Variants in TRHDE observed in about 807,000 individuals in gnomAD.
TRHDE encodes the protein thyrotropin-releasing hormone-degrading ectoenzyme.
In TRHDE, 72 loss-of-function variants were observed where a neutral mutation model predicts 125.7. The ratio of observed to expected loss-of-function variants is 0.57; its 90% confidence interval spans 0.47 to 0.70. The LOEUF (loss-of-function observed/expected upper bound fraction) is 0.70, where lower values mean the gene tolerates loss of function less well. Ranked by LOEUF, TRHDE falls within the 30% of genes least tolerant of loss-of-function variation. The probability of loss-of-function intolerance (pLI) is 0.00; values close to 1 mark genes in which losing one functional copy is unlikely to be tolerated. For missense variants in TRHDE, 1,110 were observed against 1,327.1 expected (o/e 0.84, Z 2.54); for synonymous variants, 509 against 509.1 (o/e 1.00, Z 0.00).
chr12:72,345,399 G>A (rs1449504765), intron 2 of TRHDE, among the ~76,000 whole-genome samples: 1 of 151,984 alleles, frequency 6.6e-6, no homozygotes, highest in Non-Finnish European at 1.5e-5. Flanking sequence ...ATGCATAGTC[G>A]CACACCATTG....
intron 3 of TRHDE, among the ~76,000 whole-genome samples, chr12:72,384,351 C>T (rs1872322272): frequency 6.6e-6 from 1 of 151,934 alleles, no homozygotes; most frequent in African/African-American, 2.4e-5. Flanking sequence ...AGAATTTCTG[C>T]CCTCAAGGAG....
At chr12:72,300,808 GA>G (rs1190786345) in intron 2 of TRHDE, among the ~76,000 whole-genome samples, 3 of 151,926 alleles carry the variant, frequency 2.0e-5, no homozygotes, top group Non-Finnish European at 2.9e-5. Context: ...GCAGTCTGAA[GA>G]AAAAAATCAA....
chr12:72,610,416 C>T (rs1300308439), intron 12 of TRHDE, among the ~76,000 whole-genome samples: 1 of 152,212 alleles, frequency 6.6e-6, no homozygotes, highest in Non-Finnish European at 1.5e-5. Context: ...TCACATCCTT[C>T]TCATCTTGAA....
intron 5 of TRHDE, among the ~76,000 whole-genome samples, chr12:72,477,848 T>A (rs1876973450): frequency 6.6e-6 from 1 of 152,178 alleles, no homozygotes; most frequent in Non-Finnish European, 1.5e-5. Context: ...GTCATTATAA[T>A]TTGTGTTGTC....
At chr12:72,464,401 T>C (rs1876270695) in intron 3 of TRHDE, among the ~76,000 whole-genome samples, 3 of 152,314 alleles carry the variant, frequency 2.0e-5, no homozygotes, top group Non-Finnish European at 4.4e-5. Flanking sequence ...TGGTAGGGTC[T>C]GCTCTCTGCT....
At chr12:72,405,081 T>G (rs1475357182) in intron 3 of TRHDE, among the ~76,000 whole-genome samples, 1 of 152,174 alleles carries the variant, frequency 6.6e-6, no homozygotes, top group Non-Finnish European at 1.5e-5. Flanking sequence ...GCCTACTATG[T>G]TTAATGTGTG....
Position 72,273,578 on chromosome 12 carries a change from C to A in TRHDE, c.914+21C>A. The A allele has an allele frequency of 6.4e-7, 1 of 1,559,946 alleles. No homozygotes were observed. The highest frequency in any genetic ancestry group is 8.7e-7 in the Non-Finnish European group (1 of 1,153,734). On this transcript the variant is annotated intron_variant, in intron 1 of 18. Coordinates refer to ENST00000261180, the MANE Select transcript of TRHDE (RefSeq NM_013381.3). The surrounding 1 kb of genome is among the most constrained non-coding windows in gnomAD (Gnocchi z 5.3). ...AGAAGGTATGGAGGGAGGCGGTGCC[C>A]CGCGCTGCCCCACCCCGGCGCGCGG...
chr12:72,097,529 A>G (rs986076286), intron 1 of TRHDE, among the ~76,000 whole-genome samples: 1 of 144,570 alleles, frequency 6.9e-6, no homozygotes, highest in African/African-American at 2.6e-5. Flanking sequence ...GGCTCACTGC[A>G]GCCTCGACCT....
chr12:72,399,971 C>G (rs931642176), intron 3 of TRHDE, among the ~76,000 whole-genome samples: 1 of 152,118 alleles, frequency 6.6e-6, no homozygotes, highest in Non-Finnish European at 1.5e-5. Flanking sequence ...CACTCTGCCA[C>G]TAACTCACTC....
chr12:72,412,014 T>C (rs1039977756), intron 3 of TRHDE, among the ~76,000 whole-genome samples: 5 of 152,134 alleles, frequency 3.3e-5, no homozygotes, highest in African/African-American at 1.2e-4. Flanking sequence ...AAAGGTCAAA[T>C]ACAAAGGTCT....
At chr12:72,098,034 ATATTT>A (rs1466960846) in intron 1 of TRHDE, among the ~76,000 whole-genome samples, 1 of 151,968 alleles carries the variant, frequency 6.6e-6, no homozygotes. Flanking sequence ...ACAATACTTT[ATATTT>A]TATTTTATTT....
At chr12:72,281,729 A>T (rs1435137793) in intron 1 of TRHDE, among the ~76,000 whole-genome samples, 1 of 152,228 alleles carries the variant, frequency 6.6e-6, no homozygotes, top group African/African-American at 2.4e-5. Flanking sequence ...ATGAAAAGGC[A>T]AACTGAAAAA....
chr12:72,427,900 G>A (rs1422700502), intron 3 of TRHDE, among the ~76,000 whole-genome samples: 2 of 152,106 alleles, frequency 1.3e-5, no homozygotes, highest in Non-Finnish European at 2.9e-5. Context: ...GATTGGCTGT[G>A]TCAGAATGAC....
chr12:72,556,391 A>G (rs1592533533), intron 7 of TRHDE, among the ~76,000 whole-genome samples: 1 of 152,224 alleles, frequency 6.6e-6, no homozygotes, highest in South Asian at 2.1e-4. Context: ...AAAATAGAAT[A>G]AGAACTAAAG....
In TRHDE at chr12:72,663,267, A is replaced by G; in HGVS notation, c.*72A>G. 7.7e-7 allele frequency: 1 copy of G among 1,298,384 alleles called. No individual in the cohort carries two copies. Among genetic ancestry groups the G allele is most frequent in the East Asian group, 2.6e-5 (1 of 38,324 alleles). 80.4% of individuals were successfully genotyped at this position (1,298,384 alleles called of 1,614,324 possible). A position where few individuals can be genotyped will look rare whatever the true frequency, so the allele number is the denominator to read the frequency against. ...AGACACGCTTTTTGTGGAATGAGGA[A>G]AATGTACTACCTAGAAAATGGCCAG... On this transcript the variant is annotated 3_prime_UTR_variant, in exon 19 of 19. Transcript: ENST00000261180.
At chr12:72,373,328 A>G (rs377070019) in intron 2 of TRHDE, among the ~76,000 whole-genome samples, 10,804 of 152,120 alleles carry the variant, frequency 0.071, 507 homozygotes, top group Non-Finnish European at 0.11. Flanking sequence ...CAATTATGTC[A>G]TCTGCAAACA....
chr12:72,242,056 A>G (rs1878492343), intron 2 of TRHDE, among the ~76,000 whole-genome samples: 1 of 149,062 alleles, frequency 6.7e-6, no homozygotes, highest in South Asian at 2.2e-4. Context: ...TCTTTGTCAG[A>G]TGTATAATTT....
chr12:72,333,288 T>A (rs1299213554), intron 2 of TRHDE, among the ~76,000 whole-genome samples: 1 of 152,256 alleles, frequency 6.6e-6, no homozygotes, highest in African/African-American at 2.4e-5. Flanking sequence ...TTTACCAATA[T>A]GTATTGATGT....
intron 5 of TRHDE, among the ~76,000 whole-genome samples, chr12:72,485,994 C>A (rs1211705414): frequency 6.6e-6 from 1 of 152,176 alleles, no homozygotes; most frequent in African/African-American, 2.4e-5. Flanking sequence ...CTCTCAGGGT[C>A]TACAGTCACC....
Sources: gnomAD v4.1 joint callset for allele counts (sites outside exome capture counted in the v4.1 genomes callset) on GRCh38, gnomAD v4.1.1 for gene constraint, Gnocchi (gnomAD v3.1) non-coding constraint, MANE v1.5 for transcripts, NCBI Gene and HGNC (gene_info 2026-07-23, HGNC 2026-07-21) for gene names.